ZNF644: variants seen among roughly 807,000 people sequenced by gnomAD.
ZNF644 encodes the protein zinc finger motif enhancer binding protein 2.
Under a neutral mutation model 108.0 loss-of-function variants are expected in ZNF644, and 20 were observed. The ratio of observed to expected loss-of-function variants is 0.19; its 90% CI spans 0.13 to 0.27. The LOEUF is 0.27. Among genes scored for constraint, ZNF644 ranks in the 10% least tolerant of loss-of-function variants. The probability of loss-of-function intolerance (pLI) is 1.00; values close to 1 mark genes in which losing one functional copy is unlikely to be tolerated. For missense variants in ZNF644, 1,338 were observed against 1,548.9 expected (o/e 0.86, Z 2.29); for synonymous variants, 542 against 539.1 (o/e 1.01, Z -0.08).
At position 90,940,576 on chromosome 1, in the gene ZNF644, C is replaced by A; in HGVS notation, c.778G>T (p.Asp260Tyr). The A allele has an allele frequency of 6.2e-7, 1 of 1,613,750 alleles. No homozygotes were observed. Among genetic ancestry groups the A allele is most frequent in the South Asian group, 1.1e-5 (1 of 91,074 alleles). ...AATTGAATGAACTCTTTTTGGGGAT[C>A]CCAGTTTGTATCATTTTCTGACCTA... Reference protein sequence around the residue: ...GFRSENDTNWDPQKEFIQFLM... With the variant: ...GFRSENDTNWYPQKEFIQFLM... The change falls in exon 3 of 6, where the codon GAT becomes TAT. Residue 260 changes from aspartate (D) to tyrosine (Y), a missense_variant. Asp to Tyr is a radical substitution (Grantham distance 160). This residue lies in a region of ZNF644 where 464 missense variants were observed against 457.9 expected (regional missense o/e 1.01). Coordinates refer to ENST00000337393, the MANE Select transcript of ZNF644 (RefSeq NM_201269.3).
chr1:90,934,309 G>T lies in ZNF644; in HGVS notation c.3688+3176C>A, dbSNP rs570666987. On this transcript the variant is annotated intron_variant, in intron 4 of 5. Coordinates refer to ENST00000337393, the MANE Select transcript of ZNF644 (RefSeq NM_201269.3). ...TATAAATATAAGTGGTTTTTTGAAA[G>T]CAAGAACATATTGGATCTAAGTTCT... Among the ~76,000 whole-genome samples, 5 of 152,118 alleles carry T rather than the reference G, an allele frequency of 3.3e-5. No individual in the cohort carries two copies. The South Asian group carries it at 1.0e-3, about 32-fold the overall frequency.
intron 2 of ZNF644, among the ~76,000 whole-genome samples, chr1:90,944,691 G>A (rs1321250876): frequency 6.6e-6 from 1 of 152,114 alleles, no homozygotes; most frequent in Non-Finnish European, 1.5e-5. Context: ...TCTTTACTGA[G>A]AGAAAATTAG....
intron 1 of ZNF644, among the ~76,000 whole-genome samples, chr1:91,004,334 GACAA>G (rs1440344764): frequency 6.6e-6 from 1 of 152,168 alleles, no homozygotes; most frequent in Admixed American, 6.5e-5. Context: ...ACTTGTCACA[GACAA>G]ACAACTTTAG....
chr1:90,917,560 C>T (rs867967098), intron 5 of ZNF644, among the ~76,000 whole-genome samples: 3 of 152,088 alleles, frequency 2.0e-5, no homozygotes, highest in Non-Finnish European at 4.4e-5. Context: ...TGCAGTGGCA[C>T]GATCTCGGCC....
intron 4 of ZNF644, among the ~76,000 whole-genome samples, chr1:90,919,387 T>C (rs576462078): frequency 5.3e-5 from 8 of 152,134 alleles, no homozygotes; most frequent in East Asian, 1.9e-4. Flanking sequence ...GTGAAACGAA[T>C]TGTTCAAAGT....
intron 1 of ZNF644, among the ~76,000 whole-genome samples, chr1:90,997,107 G>A (rs1029816255): frequency 1.3e-5 from 2 of 152,130 alleles, no homozygotes; most frequent in Non-Finnish European, 2.9e-5. Flanking sequence ...GAAAAGCTGG[G>A]GGCTTTGTAA....
intron 4 of ZNF644, among the ~76,000 whole-genome samples, chr1:90,926,068 C>T (rs1649999413): frequency 6.6e-6 from 1 of 152,102 alleles, no homozygotes; most frequent in Admixed American, 6.5e-5. Context: ...GACTTGCTCC[C>T]CACTGATATC....
intron 1 of ZNF644, among the ~76,000 whole-genome samples, chr1:90,986,309 T>A (rs1657087067): frequency 1.3e-5 from 2 of 148,706 alleles, no homozygotes; most frequent in African/African-American, 2.5e-5. Flanking sequence ...ACTGTTAAGG[T>A]GAAAAGAAAA....
At position 91,012,105 on chromosome 1, in the gene ZNF644, C is replaced by CT. The variant is rs562769482; in HGVS notation, c.-18+9884dup. ...AAGAAGCACCTCTCTGATTTTGTCA[C>CT]TGGGGGGAAAAAAGGGCCATAGTAC... On this transcript the variant is annotated intron_variant, in intron 1 of 5. Transcript: ENST00000337393. 1.2e-4 allele frequency among the ~76,000 whole-genome samples: 18 copies of CT among 152,110 alleles called. No individual in the cohort carries two copies. The South Asian group carries it at 3.7e-3, about 32-fold the overall frequency.
chr1:90,954,518 T>C (rs139885256), intron 2 of ZNF644, among the ~76,000 whole-genome samples: 313 of 152,256 alleles, frequency 2.1e-3, no homozygotes, highest in African/African-American at 7.3e-3. Flanking sequence ...GCAATTCTCC[T>C]GGCTCAGCCT....
At chr1:90,963,466 C>T (rs72953054) in intron 2 of ZNF644, among the ~76,000 whole-genome samples, 4,083 of 152,030 alleles carry the variant, frequency 0.027, 181 homozygotes, top group African/African-American at 0.093. Flanking sequence ...AACCAATGAC[C>T]CAGATTCTAG....
At chr1:90,964,524 C>G (rs1011900179) in intron 2 of ZNF644, among the ~76,000 whole-genome samples, 3 of 152,042 alleles carry the variant, frequency 2.0e-5, no homozygotes, top group Non-Finnish European at 2.9e-5. Flanking sequence ...ACAGAAGAAT[C>G]AAACATTTAC....
At chr1:91,011,192 G>A (rs1317337614) in intron 1 of ZNF644, among the ~76,000 whole-genome samples, 1 of 152,142 alleles carries the variant, frequency 6.6e-6, no homozygotes, top group African/African-American at 2.4e-5. Context: ...GTTGACAGGT[G>A]AGATTTTATT....
intron 1 of ZNF644, among the ~76,000 whole-genome samples, chr1:91,003,908 G>T (rs1387372791): frequency 5.3e-5 from 8 of 151,792 alleles, no homozygotes; most frequent in Admixed American, 2.0e-4. Flanking sequence ...AAAAAATTAT[G>T]AGAAAAAAAC....
chr1:90,993,269 G>A (rs773714933), intron 1 of ZNF644, among the ~76,000 whole-genome samples: 2 of 151,570 alleles, frequency 1.3e-5, no homozygotes, highest in African/African-American at 2.4e-5. Flanking sequence ...TATCCCAGAC[G>A]TCACAGCACA....
chr1:90,968,533 T>C (rs1453084653), intron 2 of ZNF644, among the ~76,000 whole-genome samples: 1 of 152,166 alleles, frequency 6.6e-6, no homozygotes. Context: ...TAAGGAAAAT[T>C]TAAATCTCTG....
chr1:91,015,346 G>T (rs1660338656), intron 1 of ZNF644, among the ~76,000 whole-genome samples: 1 of 152,054 alleles, frequency 6.6e-6, no homozygotes, highest in Non-Finnish European at 1.5e-5. Flanking sequence ...ATGCTGTTTG[G>T]GAAATTCCCA....
chr1:90,946,930 G>T (rs1652575956), intron 2 of ZNF644, among the ~76,000 whole-genome samples: 1 of 152,050 alleles, frequency 6.6e-6, no homozygotes, highest in Non-Finnish European at 1.5e-5. Flanking sequence ...AATAACTCAA[G>T]ATCATTCTTA....
chr1:90,948,253 T>C (rs1652722478), intron 2 of ZNF644, among the ~76,000 whole-genome samples: 1 of 152,236 alleles, frequency 6.6e-6, no homozygotes, highest in African/African-American at 2.4e-5. Flanking sequence ...TAGGAATTTG[T>C]TGAAGAACTT....
Sources: allele counts gnomAD v4.1 joint callset (sites outside exome capture counted in the v4.1 genomes callset), GRCh38; gene constraint gnomAD v4.1.1; regional missense constraint gnomAD v4.1.1; transcripts MANE v1.5; gene names NCBI Gene and HGNC (gene_info 2026-07-23, HGNC 2026-07-21).